STX8: variants seen among roughly 807,000 people sequenced by gnomAD.
The protein encoded by STX8 is syntaxin 8.
A neutral mutation model predicts 37.5 loss-of-function variants in STX8; 23 were observed. That is an observed-to-expected ratio of 0.61 (90% CI 0.44 to 0.87). The LOEUF (loss-of-function observed/expected upper bound fraction) is 0.87. Ranked by LOEUF, STX8 falls within the 40% of genes least tolerant of loss-of-function variation. The probability of loss-of-function intolerance (pLI) is 0.00; values close to 1 mark genes in which losing one functional copy is unlikely to be tolerated. For synonymous variants in STX8, 115 were observed against 99.1 expected, an observed-to-expected ratio of 1.16 and a Z score of -0.95; for missense variants, 313 against 284.7, an observed-to-expected ratio of 1.10 and a Z score of -0.71.
At position 9,276,098 on chromosome 17, in the gene STX8, AC is replaced by A. The variant is rs762529691; in HGVS notation, c.644-25454del. On this transcript the variant is annotated intron_variant, in intron 7 of 7. Transcript: ENST00000306357. ...GTCAAGGTGGCTGCGGTTTCTATCTACCCCCTGATCCCACCCATCAAGCCAT... is the reference window on the plus strand; with the variant it reads ...GTCAAGGTGGCTGCGGTTTCTATCTACCCCTGATCCCACCCATCAAGCCAT... 4.5e-5 allele frequency among the ~76,000 whole-genome samples: 5 copies of A among 111,420 alleles called. No homozygotes were observed. In the Middle Eastern group the frequency reaches 0.014, roughly 321 times the overall value. 73.1% of individuals were successfully genotyped at this position (111,420 alleles called of 152,430 possible). A position where few individuals can be genotyped will look rare whatever the true frequency, so the allele number is the denominator to read the frequency against.
At chr17:9,356,960 GTTTTTTT>G (rs140965935) in intron 7 of STX8, among the ~76,000 whole-genome samples, 6 of 61,748 alleles carry the variant, frequency 9.7e-5, no homozygotes, top group South Asian at 8.4e-4. Flanking sequence ...CCTTTTAACA[GTTTTTTT>G]TTTTTTTTTT....
chr17:9,272,186 C>T (rs1466480690), intron 7 of STX8, among the ~76,000 whole-genome samples: 2 of 152,200 alleles, frequency 1.3e-5, no homozygotes, highest in South Asian at 2.1e-4. Context: ...GCCAAATGAC[C>T]GCTCTTGCTT....
chr17:9,385,459 A>C (rs1911964806), intron 6 of STX8, among the ~76,000 whole-genome samples: 2 of 152,226 alleles, frequency 1.3e-5, no homozygotes, highest in Non-Finnish European at 2.9e-5. Context: ...GATCTCCTAC[A>C]TATTAACAAT....
At chr17:9,482,479 A>G (rs1435444650) in intron 6 of STX8, among the ~76,000 whole-genome samples, 2 of 152,174 alleles carry the variant, frequency 1.3e-5, no homozygotes, top group East Asian at 3.9e-4. Context: ...CAGATAATAC[A>G]TGAAGAAATT....
At position 9,393,383 on chromosome 17, in the gene STX8, C is replaced by T. The variant is rs572480308; in HGVS notation, c.542-14730G>A. Among the ~76,000 whole-genome samples, 30 of 152,260 alleles carry T rather than the reference C, an allele frequency of 2.0e-4. No individual in the cohort carries two copies. In the East Asian group the frequency reaches 5.6e-3, roughly 28 times the overall value. ...TTCTTCAGACAGAAGAAAAACGATACCAGTAGGAAACCTGAAACGAAGGAT... is the reference window on the plus strand; with the variant it reads ...TTCTTCAGACAGAAGAAAAACGATATCAGTAGGAAACCTGAAACGAAGGAT... On this transcript the variant is annotated intron_variant, in intron 6 of 7. Coordinates refer to ENST00000306357, the MANE Select transcript of STX8 (RefSeq NM_004853.3).
chr17:9,481,382 A>C (rs1351366844), intron 6 of STX8, among the ~76,000 whole-genome samples: 2 of 152,150 alleles, frequency 1.3e-5, no homozygotes, highest in East Asian at 3.9e-4. Flanking sequence ...CCTTTAAAGG[A>C]CAGCGGTTTC....
At chr17:9,464,235 C>G (rs898009) in intron 6 of STX8, among the ~76,000 whole-genome samples, 131,950 of 152,232 alleles carry the variant, frequency 0.87, 57,244 homozygotes, top group East Asian at 1. Context: ...TAGAAAGAAA[C>G]ATTTTTCTCA....
At chr17:9,389,768 A>T (rs974856356) in intron 6 of STX8, among the ~76,000 whole-genome samples, 2 of 85,458 alleles carry the variant, frequency 2.3e-5, no homozygotes, top group Non-Finnish European at 5.0e-5. Context: ...GACAAATGTT[A>T]AAAAAAATCT....
At chr17:9,257,767 C>T (rs1192021363) in intron 7 of STX8, among the ~76,000 whole-genome samples, 1 of 152,232 alleles carries the variant, frequency 6.6e-6, no homozygotes, top group Non-Finnish European at 1.5e-5. Flanking sequence ...GCGAGTGGAT[C>T]ACCTGAGGTC....
At chr17:9,260,546 C>T (rs1392168238) in intron 7 of STX8, among the ~76,000 whole-genome samples, 1 of 152,158 alleles carries the variant, frequency 6.6e-6, no homozygotes, top group Non-Finnish European at 1.5e-5. Context: ...ATTGCTTCAA[C>T]TCGGGAGGCG....
At chr17:9,382,579 C>T (rs1245453111) in intron 6 of STX8, among the ~76,000 whole-genome samples, 1 of 152,052 alleles carries the variant, frequency 6.6e-6, no homozygotes, top group African/African-American at 2.4e-5. Flanking sequence ...TATCCCTCCC[C>T]CAGCAAGATT....
At chr17:9,375,959 A>T (rs1278536471) in intron 7 of STX8, among the ~76,000 whole-genome samples, 1 of 152,108 alleles carries the variant, frequency 6.6e-6, no homozygotes, top group East Asian at 1.9e-4. Flanking sequence ...ATGCTCTGGC[A>T]CCTCTCACAT....
chr17:9,527,638 T>C (rs965955737), intron 4 of STX8, among the ~76,000 whole-genome samples: 1 of 152,152 alleles, frequency 6.6e-6, no homozygotes, highest in Non-Finnish European at 1.5e-5. Flanking sequence ...AAGTCACAAC[T>C]ATACCAGTAG....
intron 7 of STX8, among the ~76,000 whole-genome samples, chr17:9,303,426 C>A (rs543723699): frequency 2.0e-5 from 3 of 152,232 alleles, no homozygotes; most frequent in Admixed American, 2.0e-4. Flanking sequence ...ATGGTTGCAT[C>A]TCTCTGTTGT....
intron 7 of STX8, among the ~76,000 whole-genome samples, chr17:9,369,472 G>A (rs555079325): frequency 2.2e-4 from 34 of 152,228 alleles, no homozygotes; most frequent in African/African-American, 7.7e-4. Flanking sequence ...GCTTATTCTT[G>A]TGGTAAAAGA....
At chr17:9,272,899 G>A (rs1017305223) in intron 7 of STX8, among the ~76,000 whole-genome samples, 2 of 152,118 alleles carry the variant, frequency 1.3e-5, no homozygotes, top group African/African-American at 4.8e-5. Context: ...CACACTCTCC[G>A]CGCCATTCCT....
At chr17:9,372,891 G>C (rs550856842) in intron 7 of STX8, among the ~76,000 whole-genome samples, 1 of 150,584 alleles carries the variant, frequency 6.6e-6, no homozygotes, top group South Asian at 2.1e-4. Flanking sequence ...ATCACCTGAG[G>C]TCAGGAGATC....
chr17:9,397,669 CA>C (rs1912451349), intron 6 of STX8, among the ~76,000 whole-genome samples: 1 of 151,920 alleles, frequency 6.6e-6, no homozygotes, highest in Non-Finnish European at 1.5e-5. Flanking sequence ...TCCATGAGTC[CA>C]TATTGATAAA....
intron 4 of STX8, among the ~76,000 whole-genome samples, chr17:9,506,039 A>C (rs972989553): frequency 2.0e-5 from 3 of 152,106 alleles, no homozygotes; most frequent in African/African-American, 7.2e-5. Context: ...AGCATTCATA[A>C]CAGAATAAAC....
Sources: gnomAD v4.1 joint callset for allele counts (sites outside exome capture counted in the v4.1 genomes callset) on GRCh38, gnomAD v4.1.1 for gene constraint, MANE v1.5 for transcripts, NCBI Gene and HGNC (gene_info 2026-07-23, HGNC 2026-07-21) for gene names.